FAM90A1: variants seen among roughly 807,000 people sequenced by gnomAD.
FAM90A1 encodes protein FAM90A1.
FAM90A1 carries 10 observed loss-of-function variants against 14.8 expected under a neutral mutation model. The ratio of observed to expected loss-of-function variants is 0.67; its 90% CI spans 0.42 to 1.14. FAM90A1 has a LOEUF of 1.14. Ranked by LOEUF, FAM90A1 falls within the 50% of genes most tolerant of loss-of-function variation. The pLI, the probability that FAM90A1 is intolerant of heterozygous loss-of-function variation, is 0.00. For missense variants in FAM90A1, 567 were observed against 602.8 expected, an observed-to-expected ratio of 0.94 and a Z score of 0.62; for synonymous variants, 236 against 248.4, an observed-to-expected ratio of 0.95 and a Z score of 0.47.
intron 2 of FAM90A1, 68 bp downstream of exon 2, chr12:8,226,204 T>G (rs1948939508): frequency 6.6e-6 from 1 of 152,294 alleles, no homozygotes; most frequent in African/African-American, 2.4e-5. Context: ...CCTGTACCCC[T>G]GTCTTCTTTT....
At position 8,222,398 on chromosome 12, in the gene FAM90A1, G is replaced by T. The variant is rs192486378; in HGVS notation, c.819C>A (p.Ala273=). Residue 273 remains alanine, a synonymous_variant, in exon 7 of 7, where the codon GCC becomes GCA. Coordinates refer to ENST00000538603, the MANE Select transcript of FAM90A1 (RefSeq NM_018088.3). ...AGCCTAGGCCCAAGCTGTGTGTGGC[G>T]GCTGGTGGGCAGGGCTGTGAGGTCA... ...PAVTSQPCPP[A]ATHSLGLGSN... 1 of 1,611,608 alleles carries T rather than the reference G, an allele frequency of 6.2e-7. No individual in the cohort carries two copies. The highest frequency in any genetic ancestry group is 1.7e-5 in the Admixed American group (1 of 60,004).
rs1378650614 is a variant in FAM90A1 at position 8,223,464 on chromosome 12, A to C, written c.417T>G (p.Ser139=). The change falls in exon 6 of 7, where the codon TCT becomes TCG. Residue 139 remains serine, a synonymous_variant. Coordinates refer to ENST00000538603, the MANE Select transcript of FAM90A1 (RefSeq NM_018088.3). ...PLPNQKGSTE[S]SDYLRVASGP... is the part of the protein sequence containing the mutation. ...TGACCCTCACCCTCAGATAATCAGA[A>C]GATTCCGTGGATCCTTTTTGATTTG... 5.0e-6 allele frequency: 8 copies of C among 1,607,186 alleles called. No individual in the cohort carries two copies. Among genetic ancestry groups the C allele is most frequent in the East Asian group, 4.5e-5 (2 of 44,854 alleles).
chr12:8,222,980 T>C (rs1222203660), intron 6 of FAM90A1, among the ~76,000 whole-genome samples, 196 bp from the exon 7 acceptor site: 1 of 152,256 alleles, frequency 6.6e-6, no homozygotes, highest in Non-Finnish European at 1.5e-5. Context: ...GCTCTCGAGC[T>C]ATGTGTAGCT....
In FAM90A1 at chr12:8,222,062, G is replaced by T; in HGVS notation, c.1155C>A (p.Ser385Arg). The T allele has an allele frequency of 5.0e-6, 8 of 1,606,332 alleles. No individual in the cohort carries two copies. Among genetic ancestry groups the T allele is most frequent in the Non-Finnish European group, 6.8e-6 (8 of 1,179,974 alleles). Residue 385 changes from serine to arginine, a missense_variant, in exon 7 of 7, where the codon AGC (serine) becomes AGA (arginine). By Grantham distance (110) the Ser-to-Arg change is moderately radical. Coordinates refer to ENST00000538603, the MANE Select transcript of FAM90A1 (RefSeq NM_018088.3). ...CTCTGAGAGGCTGGGCCCCATCATGGCTGGCCGCTGGGTGATGGGACATGG... is the reference window on the plus strand; with the variant it reads ...CTCTGAGAGGCTGGGCCCCATCATGTCTGGCCGCTGGGTGATGGGACATGG... ...ACTMSHHPAA[S>R]HDGAQPLRVL... is the part of the protein sequence containing the mutation.
chr12:8,222,429 G>A lies in FAM90A1; in HGVS notation c.788C>T (p.Pro263Leu), dbSNP rs78674982. The part of the protein sequence containing the change: ...AVSPQAQDKR[P>L]AVTSQPCPPA... ...TGGGCAGGGCTGTGAGGTCACCGCA[G>A]GACGTTTGTCTTGTGCCTGGGGGCT... is the stretch of plus-strand genomic sequence containing the variant. Residue 263 changes from proline (P) to leucine (L), a missense_variant, in exon 7 of 7, where the codon CCT (proline) becomes CTT (leucine). By Grantham distance (98) the Pro-to-Leu change is moderately conservative. Coordinates refer to ENST00000538603, the MANE Select transcript of FAM90A1 (RefSeq NM_018088.3). 1.4e-3 allele frequency: 2,293 copies of A among 1,609,886 alleles called. 32 individuals are homozygous for A. In the African/African-American group the frequency reaches 0.025, roughly 18 times the overall value.
chr12:8,224,931 T>A, intron 3 of FAM90A1, 43 bp from the exon 4 acceptor site: 1 of 1,482,022 alleles, frequency 6.7e-7, no homozygotes, highest in Non-Finnish European at 9.3e-7. Flanking sequence ...GTTAAGCACA[T>A]TGGATATTCA....
In FAM90A1 at chr12:8,223,217, G is replaced by A. The variant is rs757268764; in HGVS notation, c.432+232C>T. ...CTAATTTCCTCATGCCGCTAGGAAC[G>A]TGTTGTTGGCAGGCTTGCCATAATT... On this transcript the variant is annotated intron_variant, in intron 6 of 6. Coordinates refer to ENST00000538603, the MANE Select transcript of FAM90A1 (RefSeq NM_018088.3). Among the ~76,000 whole-genome samples the A allele has an allele frequency of 2.0e-3, 307 of 152,336 alleles. 1 individual carries two copies. Among genetic ancestry groups the A allele is most frequent in the African/African-American group, 6.7e-3 (278 of 41,564 alleles).
At chr12:8,225,298 T>C (rs1454692363) in intron 3 of FAM90A1, among the ~76,000 whole-genome samples, 1 of 152,256 alleles carries the variant, frequency 6.6e-6, no homozygotes, top group African/African-American at 2.4e-5. Context: ...GTTTGAAATC[T>C]GGGATAAGGG....
At chr12:8,225,406 A>G in intron 3 of FAM90A1, among the ~76,000 whole-genome samples, 1 of 152,110 alleles carries the variant, frequency 6.6e-6, no homozygotes, top group Non-Finnish European at 1.5e-5. Flanking sequence ...TCTCTACCAC[A>G]CTAGCAGGTG....
rs1229536862 is a variant in FAM90A1, at chr12:8,221,537, C to T, written c.*285G>A. The T allele has an allele frequency of 9.8e-6, 5 of 512,642 alleles. No homozygotes were observed. In the East Asian group the frequency reaches 1.5e-4, roughly 15 times the overall value. The allele number at this position is 512,642 out of a possible 1,614,324, so 31.8% of individuals were successfully genotyped here. A position where few individuals can be genotyped will look rare whatever the true frequency, so the allele number is the denominator to read the frequency against. Reference sequence around the variant, plus strand: ...CGTCCCAGCGGAAGTCTGACTCCTGCGCGTCATGCAGTTTCTGAGGCAACG... The same window carrying T: ...CGTCCCAGCGGAAGTCTGACTCCTGTGCGTCATGCAGTTTCTGAGGCAACG... On this transcript the variant is annotated 3_prime_UTR_variant, in exon 7 of 7. Coordinates refer to ENST00000538603, the MANE Select transcript of FAM90A1 (RefSeq NM_018088.3).
At chr12:8,224,251 C>T in intron 4 of FAM90A1, 36 bp from the exon 5 acceptor site, 3 of 1,545,786 alleles carry the variant, frequency 1.9e-6, no homozygotes, top group Non-Finnish European at 2.7e-6. Context: ...AGTGAGTGAG[C>T]TGAAGCCACA....
At position 8,226,802 on chromosome 12, in the gene FAM90A1, C is replaced by CTTTTTTTTTTTTTTT. The variant is rs71042351; in HGVS notation, c.-420-339_-420-325dup. On this transcript the variant is annotated intron_variant, in intron 1 of 6. Transcript: ENST00000538603. Reference sequence around the variant, plus strand: ...TTTTTTCTTGTTTCTTCATTGATGTCTTTTTTTTTTTTTTTTTTTTTTTTT... The same window carrying CTTTTTTTTTTTTTTT: ...TTTTTTCTTGTTTCTTCATTGATGTCTTTTTTTTTTTTTTTTTTTTTTTTTTTTTTTTTTTTTTTT... Among the ~76,000 whole-genome samples, 26 of 79,804 alleles carry CTTTTTTTTTTTTTTT rather than the reference C, an allele frequency of 3.3e-4. 1 individual carries two copies. The highest frequency in any genetic ancestry group is 1.5e-3 in the African/African-American group (26 of 17,162). The allele number at this position is 79,804 out of a possible 152,430, so 52.4% of individuals were successfully genotyped here.
chr12:8,223,437 G>A lies in FAM90A1; in HGVS notation c.432+12C>T. On this transcript the variant is annotated intron_variant, in intron 6 of 6. Coordinates refer to ENST00000538603, the MANE Select transcript of FAM90A1 (RefSeq NM_018088.3). ...GAGGAGAAAAAGACCAGGGGCCCAG[G>A]GTGACCCTCACCCTCAGATAATCAG... The A allele has an allele frequency of 6.4e-7, 1 of 1,553,874 alleles. No homozygotes were observed. Among genetic ancestry groups the A allele is most frequent in the Non-Finnish European group, 8.9e-7 (1 of 1,127,136 alleles).
intron 1 of FAM90A1, among the ~76,000 whole-genome samples, chr12:8,226,767 G>A (rs990021987): frequency 8.2e-5 from 10 of 121,254 alleles, no homozygotes; most frequent in African/African-American, 3.6e-4. Flanking sequence ...TAGTTTCCAA[G>A]CATCTTTTTT....
chr12:8,224,957 C>T (rs1340392415), intron 3 of FAM90A1, 69 bp from the exon 4 acceptor site: 16 of 1,243,748 alleles, frequency 1.3e-5, no homozygotes, highest in Non-Finnish European at 1.5e-5. Context: ...CCACAGGAAG[C>T]CCCCCGCTAA....
rs199767799 is a variant in FAM90A1 at position 8,222,472 on chromosome 12, C to T, written c.745G>A (p.Gly249Ser). The T allele has an allele frequency of 1.0e-4, 166 of 1,603,934 alleles. 1 individual carries two copies. The African/African-American group carries it at 2.1e-3, about 20-fold the overall frequency. Residue 249 changes from glycine (G) to serine (S), a missense_variant, in exon 7 of 7, where the codon GGC (glycine) becomes AGC (serine). By Grantham distance (56) the Gly-to-Ser change is moderately conservative (BLOSUM62 0). Transcript: ENST00000538603. ...EVPQAASKTH[G>S]LLQAVSPQAQ... ...TGGGGGCTGACGGCCTGGAGCAGGC[C>T]GTGGGTTTTGGAGGCAGCCTGGGGA...
At chr12:8,224,509 G>A (rs1423795709) in intron 4 of FAM90A1, among the ~76,000 whole-genome samples, 1 of 152,246 alleles carries the variant, frequency 6.6e-6, no homozygotes, top group East Asian at 1.9e-4. Context: ...AGAAAGGGAG[G>A]TTGCCCCCAA....
chr12:8,226,790 C>T (rs1948952298), intron 1 of FAM90A1, among the ~76,000 whole-genome samples: 4 of 120,672 alleles, frequency 3.3e-5, no homozygotes, highest in African/African-American at 1.0e-4. Context: ...TTTCTTGTTT[C>T]TTCATTGATG....
chr12:8,223,172 C>A (rs1315215029), intron 6 of FAM90A1, among the ~76,000 whole-genome samples: 4 of 152,172 alleles, frequency 2.6e-5, no homozygotes, highest in Admixed American at 6.5e-5. Context: ...GCCTTCTCCA[C>A]GTTTGGGGCC....
Sources: gnomAD v4.1 joint callset for allele counts (sites outside exome capture counted in the v4.1 genomes callset) on GRCh38, gnomAD v4.1.1 for gene constraint, MANE v1.5 for transcripts, NCBI Gene and HGNC (gene_info 2026-07-23, HGNC 2026-07-21) for gene names.